ZC3H11A: variants seen among roughly 807,000 people sequenced by gnomAD.
ZC3H11A encodes zinc finger CCCH domain-containing protein 11A.
A neutral mutation model predicts 90.8 loss-of-function variants in ZC3H11A; 22 were observed. That is an observed-to-expected ratio of 0.24 (90% confidence interval 0.17 to 0.35). The LOEUF (loss-of-function observed/expected upper bound fraction) is 0.35. Ranked by LOEUF, ZC3H11A falls within the 10% of genes least tolerant of loss-of-function variation. The pLI is 1.00. For synonymous variants in ZC3H11A, 294 were observed against 339.8 expected, an observed-to-expected ratio of 0.87 and a Z score of 1.48; for missense variants, 701 against 964.9, an observed-to-expected ratio of 0.73 and a Z score of 3.62.
At chr1:203,809,030 A>G (rs1450723843) in intron 2 of ZC3H11A, among the ~76,000 whole-genome samples, 1 of 151,720 alleles carries the variant, frequency 6.6e-6, no homozygotes, top group Non-Finnish European at 1.5e-5. Context: ...GGATTTCACC[A>G]TGTTGGTCAA....
intron 1 of ZC3H11A, chr1:203,797,265 A>G: frequency 6.8e-6 from 2 of 295,608 alleles, no homozygotes; most frequent in East Asian, 6.8e-5. Context: ...ACATGAGGAC[A>G]CTGGACTATT....
chr1:203,841,465 G>A (rs1458356361), intron 12 of ZC3H11A, among the ~76,000 whole-genome samples: 1 of 152,174 alleles, frequency 6.6e-6, no homozygotes, highest in Non-Finnish European at 1.5e-5. Context: ...AGAGCACGGG[G>A]TTGGGAGTAA....
intron 1 of ZC3H11A, chr1:203,798,230 A>T (rs1358935586): frequency 2.0e-6 from 3 of 1,536,052 alleles, no homozygotes; most frequent in African/African-American, 2.7e-5. Flanking sequence ...ATAAATCAGC[A>T]TCTGATGCCC....
intron 4 of ZC3H11A, among the ~76,000 whole-genome samples, chr1:203,825,078 A>G (rs1680063025): frequency 6.7e-6 from 1 of 149,544 alleles, no homozygotes. Context: ...CTCCGTCTCA[A>G]AAAAAAAAAA....
At position 203,826,355 on chromosome 1, in the gene ZC3H11A, TAATA is replaced by T. The variant is rs528657675; in HGVS notation, c.175-1935_175-1932del. On this transcript the variant is annotated intron_variant, in intron 4 of 17. Transcript: ENST00000367210. ...TAGAAAATATCAATAATATTAAAAT[TAATA>T]AATAAATATTGATTAATAATAATTA... 9.6e-4 allele frequency among the ~76,000 whole-genome samples: 144 copies of T among 150,216 alleles called. No individual in the cohort carries two copies. In the Middle Eastern group the frequency reaches 0.01, roughly 11 times the overall value.
chr1:203,849,610 C>T, intron 14 of ZC3H11A, 101 bp from the exon 15 acceptor site: 1 of 1,091,412 alleles, frequency 9.2e-7, no homozygotes, highest in Non-Finnish European at 1.4e-6. Flanking sequence ...GATTCTGGAT[C>T]ATGTGAGATT....
At chr1:203,828,236 A>G in intron 4 of ZC3H11A, 63 bp from the exon 5 acceptor site, 1 of 1,596,694 alleles carries the variant, frequency 6.3e-7, no homozygotes, top group Non-Finnish European at 8.6e-7. Context: ...TAGAAAACAA[A>G]CTGCCACATG....
chr1:203,808,873 C>T (rs944399736), intron 2 of ZC3H11A, among the ~76,000 whole-genome samples: 2 of 151,998 alleles, frequency 1.3e-5, no homozygotes, highest in Admixed American at 6.6e-5. Flanking sequence ...TGTTGTTGCC[C>T]AGGATGGAGT....
Position 203,798,808 on chromosome 1 carries a change from C to T in ZC3H11A, c.-1587-2767C>T, listed in dbSNP as rs1327871272. 7 of 1,536,164 alleles carry T rather than the reference C, an allele frequency of 4.6e-6. No homozygotes were observed. Among genetic ancestry groups the T allele is most frequent in the East Asian group, 4.9e-5 (2 of 40,922 alleles). ...GATATGCATCCTTACAACTATTTCT[C>T]AACCCCAGCCTTTCAGAGGTTCATG... On this transcript the variant is annotated intron_variant, in intron 1 of 17. Coordinates refer to ENST00000367210, the MANE Select transcript of ZC3H11A (RefSeq NM_001376342.1).
chr1:203,796,557 C>T (rs1326022744), intron 1 of ZC3H11A: 1 of 398,586 alleles, frequency 2.5e-6, no homozygotes, highest in Non-Finnish European at 4.4e-6. Flanking sequence ...GGTTCTGGAC[C>T]TTGAGAAAGA....
At chr1:203,848,521 C>T in intron 14 of ZC3H11A, 114 bp downstream of exon 14, 1 of 720,150 alleles carries the variant, frequency 1.4e-6, no homozygotes, top group South Asian at 2.0e-5. Context: ...GGTAAACAGT[C>T]TTTCTTTTTA....
At chr1:203,809,813 G>T (rs1337667247) in intron 2 of ZC3H11A, among the ~76,000 whole-genome samples, 1 of 152,054 alleles carries the variant, frequency 6.6e-6, no homozygotes, top group African/African-American at 2.4e-5. Context: ...AATTAGCCAG[G>T]CATGGTGGCA....
chr1:203,817,011 G>C lies in ZC3H11A; in HGVS notation c.-60G>C. ...CACGAGGACTTGGAGCCTGGTCCTT[G>C]CTTTGAGGAAGCAGTGGCTTGTTTC... is the stretch of plus-strand genomic sequence containing the variant. On this transcript the variant is annotated 5_prime_UTR_variant, in exon 3 of 18. Coordinates refer to ENST00000367210, the MANE Select transcript of ZC3H11A (RefSeq NM_001376342.1). 2 of 1,314,834 alleles carry C rather than the reference G, an allele frequency of 1.5e-6. No homozygotes were observed. Among genetic ancestry groups the C allele is most frequent in the Non-Finnish European group, 1.1e-6 (1 of 937,192 alleles). The allele number at this position is 1,314,834 out of a possible 1,614,324, so 81.4% of individuals were successfully genotyped here.
rs1004167451 is a variant in ZC3H11A, at chr1:203,853,642, C to G, written c.*1243C>G. 11 of 152,558 alleles carry G rather than the reference C, an allele frequency of 7.2e-5. No individual in the cohort carries two copies. Among genetic ancestry groups the G allele is most frequent in the African/African-American group, 2.7e-4 (11 of 41,410 alleles). The allele number at this position is 152,558 out of a possible 1,614,324, so 9.5% of individuals were successfully genotyped here. A position where few individuals can be genotyped will look rare whatever the true frequency, so the allele number is the denominator to read the frequency against. On this transcript the variant is annotated 3_prime_UTR_variant, in exon 18 of 18. Coordinates refer to ENST00000367210, the MANE Select transcript of ZC3H11A (RefSeq NM_001376342.1). ...TTTGTTTCTCATAGGGAAATCTGAC[C>G]CACCTGTCATGTTGGCTCCTAAGGA...
chr1:203,796,253 G>C (rs1028894472), intron 1 of ZC3H11A: 1 of 395,274 alleles, frequency 2.5e-6, no homozygotes, highest in East Asian at 3.6e-5. Flanking sequence ...ATCAGACTGA[G>C]TGCCGGGCGC....
At chr1:203,850,925 A>T in intron 16 of ZC3H11A, 132 bp from the exon 17 acceptor site, 2 of 1,249,154 alleles carry the variant, frequency 1.6e-6, no homozygotes. Context: ...CTCAACCTTT[A>T]GATTATCGAT....
At chr1:203,849,114 G>T (rs920348566) in intron 14 of ZC3H11A, among the ~76,000 whole-genome samples, 1 of 152,130 alleles carries the variant, frequency 6.6e-6, no homozygotes, top group Non-Finnish European at 1.5e-5. Flanking sequence ...CGAACTTCTG[G>T]CTTCAAGTGA....
In ZC3H11A at chr1:203,838,037, A is replaced by G; in HGVS notation, c.946A>G (p.Thr316Ala). 1 of 1,614,204 alleles carries G rather than the reference A, an allele frequency of 6.2e-7. No individual in the cohort carries two copies. The highest frequency in any genetic ancestry group is 8.5e-7 in the Non-Finnish European group (1 of 1,180,028). ...AGGGAAGAAAGTTGAAGCTCCAGAAACTAACATTGACAAAACACCAAAGAA... is the reference window on the plus strand; with the variant it reads ...AGGGAAGAAAGTTGAAGCTCCAGAAGCTAACATTGACAAAACACCAAAGAA... ...RLGKKVEAPE[T>A]NIDKTPKKAQ... is the part of the protein sequence containing the mutation. The change falls in exon 11 of 18, where the codon ACT becomes GCT. Residue 316 changes from threonine (T) to alanine (A), a missense_variant. Physicochemically the swap from Thr to Ala is moderately conservative, Grantham distance 58. Around this residue, in one of 4 missense-constraint regions of ZC3H11A, gnomAD observed 530 missense variants for 696.2 expected, o/e 0.76. Transcript: ENST00000367210.
intron 3 of ZC3H11A, among the ~76,000 whole-genome samples, chr1:203,818,242 T>C (rs1677029823): frequency 6.6e-6 from 1 of 152,144 alleles, no homozygotes; most frequent in African/African-American, 2.4e-5. Flanking sequence ...AAAGCTAGAG[T>C]TACACAAGGC....
Sources: allele counts gnomAD v4.1 joint callset (sites outside exome capture counted in the v4.1 genomes callset), GRCh38; gene constraint gnomAD v4.1.1; regional missense constraint gnomAD v4.1.1; transcripts MANE v1.5; gene names NCBI Gene and HGNC (gene_info 2026-07-23, HGNC 2026-07-21).